Variants in SCAPER observed in about 807,000 individuals in gnomAD.
SCAPER encodes the protein S phase cyclin A-associated protein in the endoplasmic reticulum.
SCAPER carries 98 observed loss-of-function variants against 182.2 expected under a neutral mutation model. The observed-to-expected ratio is 0.54, with a 90% CI of 0.46 to 0.64. SCAPER has a LOEUF of 0.64. Ranked by LOEUF, SCAPER falls within the 30% of genes least tolerant of loss-of-function variation. The pLI is 0.00. For missense variants in SCAPER, 1,432 were observed against 1,690.0 expected (o/e 0.85, Z 2.68); for synonymous variants, 605 against 564.6 (o/e 1.07, Z -1.01).
intron 26 of SCAPER, among the ~76,000 whole-genome samples, chr15:76,431,032 C>G (rs1232017023): frequency 6.6e-6 from 1 of 152,126 alleles, no homozygotes; most frequent in Non-Finnish European, 1.5e-5. Flanking sequence ...TTCCCCTGCA[C>G]AAGCTCTCTC....
chr15:76,682,268 C>A (rs1192240668), intron 20 of SCAPER, among the ~76,000 whole-genome samples: 1 of 140,736 alleles, frequency 7.1e-6, no homozygotes, highest in Non-Finnish European at 1.5e-5. Context: ...CTCCCTTCCC[C>A]CCCCCACCCC....
At chr15:76,836,062 G>T (rs1217288328) in intron 5 of SCAPER, among the ~76,000 whole-genome samples, 1 of 151,934 alleles carries the variant, frequency 6.6e-6, no homozygotes, top group African/African-American at 2.4e-5. Context: ...CATATTCCAT[G>T]CTCATGGATA....
intron 5 of SCAPER, among the ~76,000 whole-genome samples, chr15:76,810,626 AAC>A (rs2066528229): frequency 6.6e-6 from 1 of 151,642 alleles, no homozygotes; most frequent in African/African-American, 2.4e-5. Context: ...TCATAAGACA[AAC>A]ACAAAACAGT....
Position 76,761,260 on chromosome 15 carries a change from A to AT in SCAPER, c.1725+3700dup, listed in dbSNP as rs535748811. 6.3e-4 allele frequency among the ~76,000 whole-genome samples: 95 copies of AT among 151,742 alleles called. No individual in the cohort carries two copies. In the South Asian group the frequency reaches 0.019, roughly 30 times the overall value. On this transcript the variant is annotated intron_variant, in intron 14 of 31. Transcript: ENST00000563290. ...TTTTCTTAGACTAGCTAAGAGTTTGATTTTTTTCTTTCCAACAAACCACCG... is the reference window on the plus strand; with the variant it reads ...TTTTCTTAGACTAGCTAAGAGTTTGATTTTTTTTCTTTCCAACAAACCACCG...
chr15:76,712,167 T>C (rs1189759720), intron 17 of SCAPER, among the ~76,000 whole-genome samples: 1 of 152,224 alleles, frequency 6.6e-6, no homozygotes, highest in Non-Finnish European at 1.5e-5. Context: ...GCTAGACAGT[T>C]TTCCCAGCAC....
At chr15:76,370,343 C>T (rs1177618038) in intron 29 of SCAPER, among the ~76,000 whole-genome samples, 3 of 135,532 alleles carry the variant, frequency 2.2e-5, no homozygotes, top group Middle Eastern at 4.3e-3. Flanking sequence ...CTTCCTCTGT[C>T]GCCCAGGCTG....
At chr15:76,783,631 T>A (rs1203783430) in intron 8 of SCAPER, among the ~76,000 whole-genome samples, 1 of 150,888 alleles carries the variant, frequency 6.6e-6, no homozygotes, top group African/African-American at 2.4e-5. Flanking sequence ...GATGCGAAAA[T>A]CCTCAATAAA....
At chr15:76,435,139 G>C (rs1465257134) in intron 25 of SCAPER, among the ~76,000 whole-genome samples, 4 of 152,102 alleles carry the variant, frequency 2.6e-5, no homozygotes, top group African/African-American at 4.8e-5. Flanking sequence ...CAACTTATTG[G>C]CCAGAACTAG....
intron 8 of SCAPER, among the ~76,000 whole-genome samples, chr15:76,786,068 C>A (rs1014524014): frequency 2.6e-5 from 4 of 151,934 alleles, no homozygotes; most frequent in Non-Finnish European, 5.9e-5. Context: ...GTGGCTCATG[C>A]CTGTAATCCC....
intron 21 of SCAPER, among the ~76,000 whole-genome samples, chr15:76,624,839 G>C (rs2052420740): frequency 6.6e-6 from 1 of 152,170 alleles, no homozygotes; most frequent in East Asian, 1.9e-4. Context: ...CTGGTGACAG[G>C]GGTTGCAACA....
intron 23 of SCAPER, among the ~76,000 whole-genome samples, chr15:76,534,306 A>G (rs1463895372): frequency 6.6e-6 from 1 of 152,222 alleles, no homozygotes; most frequent in Non-Finnish European, 1.5e-5. Context: ...AAATCAAGAA[A>G]ACAAAGATCT....
At chr15:76,495,985 AAG>A (rs56909440) in intron 24 of SCAPER, among the ~76,000 whole-genome samples, 10,036 of 44,152 alleles carry the variant, frequency 0.23, 637 homozygotes, top group African/African-American at 0.29. Flanking sequence ...AAGAAAGCAA[AAG>A]AGAGAGACAC....
intron 26 of SCAPER, 68 bp from the exon 27 acceptor site, chr15:76,404,747 A>G: frequency 6.6e-7 from 1 of 1,512,888 alleles, no homozygotes; most frequent in Non-Finnish European, 9.0e-7. Context: ...CTTCAATGAT[A>G]AATGCTACCA....
intron 21 of SCAPER, among the ~76,000 whole-genome samples, chr15:76,637,289 T>C (rs1038921438): frequency 2.4e-4 from 37 of 152,326 alleles, no homozygotes; most frequent in Non-Finnish European, 2.6e-4. Context: ...CTGGATCATA[T>C]AGAAATCCTA....
At chr15:76,576,972 C>G (rs1470265879) in intron 22 of SCAPER, 3 of 152,130 alleles carry the variant, frequency 2.0e-5, no homozygotes, top group Non-Finnish European at 4.4e-5. Context: ...AACTGCAATT[C>G]CTGGGCAAGT....
At chr15:76,588,265 T>G (rs1047468411) in intron 22 of SCAPER, among the ~76,000 whole-genome samples, 1 of 152,146 alleles carries the variant, frequency 6.6e-6, no homozygotes, top group African/African-American at 2.4e-5. Flanking sequence ...TTTTATAAAT[T>G]TGGGAGCTCC....
At chr15:76,696,284 A>G (rs2058653422) in intron 20 of SCAPER, among the ~76,000 whole-genome samples, 2 of 152,150 alleles carry the variant, frequency 1.3e-5, no homozygotes, top group Non-Finnish European at 2.9e-5. Context: ...ATTTTTGCTA[A>G]TTTAAAATTT....
intron 20 of SCAPER, among the ~76,000 whole-genome samples, chr15:76,700,659 G>A (rs2058892709): frequency 6.6e-6 from 1 of 152,152 alleles, no homozygotes; most frequent in Non-Finnish European, 1.5e-5. Flanking sequence ...CATCTAGTCA[G>A]CCATCTTGGC....
intron 22 of SCAPER, among the ~76,000 whole-genome samples, chr15:76,605,393 A>G: frequency 6.6e-6 from 1 of 152,118 alleles, no homozygotes; most frequent in Non-Finnish European, 1.5e-5. Context: ...GTGGTGGATA[A>G]GCTTTTTGAT....
Sources: allele counts gnomAD v4.1 joint callset (sites outside exome capture counted in the v4.1 genomes callset), GRCh38; gene constraint gnomAD v4.1.1; transcripts MANE v1.5; gene names NCBI Gene and HGNC (gene_info 2026-07-23, HGNC 2026-07-21).